The following GLRA3 variants were observed in gnomAD, a reference collection of about 807,000 sequenced individuals.
GLRA3 encodes the protein glycine receptor subunit alpha-3.
A neutral mutation model predicts 60.4 loss-of-function variants in GLRA3; 44 were observed. That is an observed-to-expected ratio of 0.73 (90% CI 0.57 to 0.94). The LOEUF (loss-of-function observed/expected upper bound fraction) is 0.94, where lower values mean the gene tolerates loss of function less well. GLRA3 is among the 40% of genes least tolerant of loss of function. GLRA3 has a pLI of 0.00. For synonymous variants in GLRA3, 223 were observed against 192.9 expected, an observed-to-expected ratio of 1.16 and a Z score of -1.29; for missense variants, 508 against 564.6, an observed-to-expected ratio of 0.90 and a Z score of 1.02.
intron 7 of GLRA3, among the ~76,000 whole-genome samples, chr4:174,675,551 G>T (rs1187121272): frequency 3.3e-5 from 5 of 152,082 alleles, no homozygotes; most frequent in Non-Finnish European, 5.9e-5. Flanking sequence ...GAAGATCAGT[G>T]AGTAAACTGA....
At chr4:174,676,484 A>G (rs1734121913) in intron 7 of GLRA3, among the ~76,000 whole-genome samples, 1 of 152,156 alleles carries the variant, frequency 6.6e-6, no homozygotes, top group Non-Finnish European at 1.5e-5. Flanking sequence ...TTATAAGAAT[A>G]TATGCTAAGA....
chr4:174,684,762 C>T (rs947226524), intron 5 of GLRA3, among the ~76,000 whole-genome samples: 5 of 152,188 alleles, frequency 3.3e-5, no homozygotes, highest in Non-Finnish European at 5.9e-5. Context: ...AATACCAGCA[C>T]TTTGGAAGGC....
intron 1 of GLRA3, among the ~76,000 whole-genome samples, chr4:174,823,236 T>TA (rs1431707933): frequency 1.3e-5 from 1 of 76,206 alleles, no homozygotes. Context: ...AACAAAAAAC[T>TA]AAAACTCAAA....
intron 1 of GLRA3, among the ~76,000 whole-genome samples, chr4:174,821,057 T>G (rs2111396810): frequency 6.6e-6 from 1 of 152,350 alleles, no homozygotes; most frequent in African/African-American, 2.4e-5. Context: ...GTAAACTTTT[T>G]ACATGTATTT....
chr4:174,738,680 T>C (rs1018722826), intron 3 of GLRA3, among the ~76,000 whole-genome samples: 5 of 152,246 alleles, frequency 3.3e-5, no homozygotes, highest in African/African-American at 1.2e-4. Flanking sequence ...TGATATTTCT[T>C]TTCTCTGTAA....
chr4:174,745,425 C>A (rs967512543), intron 3 of GLRA3, among the ~76,000 whole-genome samples: 4 of 152,192 alleles, frequency 2.6e-5, no homozygotes, highest in Middle Eastern at 3.4e-3. Context: ...AAAGTAGTTA[C>A]CGTCAGACTA....
At chr4:174,648,282 G>A (rs1001515268) in intron 9 of GLRA3, among the ~76,000 whole-genome samples, 22 of 152,044 alleles carry the variant, frequency 1.4e-4, no homozygotes, top group African/African-American at 4.6e-4. Flanking sequence ...CCAAGATGGC[G>A]AAACCCTGTC....
chr4:174,659,799 C>G lies in GLRA3; in HGVS notation c.928-602G>C, dbSNP rs781048574. Reference sequence around the variant, plus strand: ...CCAGCCTAGCCAACATTGTGAAACTCCATCTGTTTTAAAAATACAAAAATT... The same window carrying G: ...CCAGCCTAGCCAACATTGTGAAACTGCATCTGTTTTAAAAATACAAAAATT... On this transcript the variant is annotated intron_variant, in intron 7 of 9. Transcript: ENST00000274093. Among the ~76,000 whole-genome samples the G allele has an allele frequency of 1.5e-4, 23 of 152,010 alleles. No individual in the cohort carries two copies. In the East Asian group the frequency reaches 4.3e-3, roughly 28 times the overall value.
intron 9 of GLRA3, among the ~76,000 whole-genome samples, chr4:174,647,174 A>C (rs2110849045): frequency 6.6e-6 from 1 of 152,278 alleles, no homozygotes; most frequent in South Asian, 2.1e-4. Context: ...TGGGAGGCCA[A>C]GGCAGGTGGA....
At chr4:174,679,620 G>A (rs905096323) in intron 6 of GLRA3, among the ~76,000 whole-genome samples, 3 of 152,154 alleles carry the variant, frequency 2.0e-5, no homozygotes, top group African/African-American at 7.2e-5. Flanking sequence ...CTAAGATAAG[G>A]AACCAACCCA....
At chr4:174,810,598 C>T (rs1740222479) in intron 1 of GLRA3, among the ~76,000 whole-genome samples, 1 of 151,958 alleles carries the variant, frequency 6.6e-6, no homozygotes, top group South Asian at 2.1e-4. Context: ...TTTCATTTAT[C>T]CAAAATATTT....
intron 4 of GLRA3, among the ~76,000 whole-genome samples, chr4:174,716,885 A>G (rs972700289): frequency 6.6e-5 from 10 of 152,120 alleles, no homozygotes; most frequent in Non-Finnish European, 1.0e-4. Context: ...GGGCACAAAG[A>G]TGACTAAATT....
At chr4:174,748,596 G>A (rs189725234) in intron 3 of GLRA3, among the ~76,000 whole-genome samples, 6 of 152,070 alleles carry the variant, frequency 3.9e-5, no homozygotes, top group African/African-American at 9.7e-5. Flanking sequence ...AAAAAATTGG[G>A]AACTAATCTT....
chr4:174,682,109 T>C (rs942442039), intron 6 of GLRA3, among the ~76,000 whole-genome samples: 2 of 152,216 alleles, frequency 1.3e-5, no homozygotes, highest in African/African-American at 4.8e-5. Context: ...CTCACCACAA[T>C]GGAGTGATGC....
At chr4:174,795,168 G>A (rs1171187555) in intron 1 of GLRA3, among the ~76,000 whole-genome samples, 3 of 151,818 alleles carry the variant, frequency 2.0e-5, no homozygotes, top group Non-Finnish European at 4.4e-5. Flanking sequence ...TAAACTGGAG[G>A]AAGAAAAACA....
intron 2 of GLRA3, among the ~76,000 whole-genome samples, chr4:174,780,975 CT>C (rs1211494325): frequency 6.6e-6 from 1 of 152,178 alleles, no homozygotes; most frequent in African/African-American, 2.4e-5. Flanking sequence ...TAATAGACAT[CT>C]ATAGAACTCT....
intron 2 of GLRA3, among the ~76,000 whole-genome samples, chr4:174,782,906 C>T (rs375347374): frequency 1.3e-5 from 2 of 151,962 alleles, no homozygotes; most frequent in Non-Finnish European, 2.9e-5. Flanking sequence ...AGGTAATTTA[C>T]AGATTCAATG....
At chr4:174,687,683 T>C (rs925215050) in intron 5 of GLRA3, among the ~76,000 whole-genome samples, 3 of 152,194 alleles carry the variant, frequency 2.0e-5, no homozygotes, top group Non-Finnish European at 4.4e-5. Context: ...TGTTACACCA[T>C]GAGCTTCATA....
intron 5 of GLRA3, among the ~76,000 whole-genome samples, chr4:174,696,916 G>C (rs1244489557): frequency 6.6e-6 from 1 of 152,092 alleles, no homozygotes; most frequent in Non-Finnish European, 1.5e-5. Flanking sequence ...GGAGGATTAT[G>C]AGTAGAGGCT....
Sources: allele counts gnomAD v4.1 joint callset (sites outside exome capture counted in the v4.1 genomes callset), GRCh38; gene constraint gnomAD v4.1.1; transcripts MANE v1.5; gene names NCBI Gene and HGNC (gene_info 2026-07-23, HGNC 2026-07-21).